INSRR: variants seen among roughly 807,000 people sequenced by gnomAD.
INSRR encodes the protein insulin receptor related receptor, also known as insulin receptor-related protein.
In INSRR, 114 loss-of-function variants were observed where a neutral mutation model predicts 130.0. The observed-to-expected ratio is 0.88, with a 90% CI of 0.75 to 1.02. The LOEUF (loss-of-function observed/expected upper bound fraction) is 1.02, where lower values mean the gene tolerates loss of function less well. INSRR is among the 50% of genes least tolerant of loss of function. The pLI, the probability that INSRR is intolerant of heterozygous loss-of-function variation, is 0.00. For synonymous variants in INSRR, 674 were observed against 705.2 expected (o/e 0.96, Z 0.70); for missense variants, 1,657 against 1,735.2 (o/e 0.95, Z 0.80).
In INSRR at chr1:156,845,383, CTTG is replaced by C; in HGVS notation, c.2202_2204del (p.Asn734del). 6.4e-7 allele frequency: 1 copy of C among 1,571,690 alleles called. No individual in the cohort carries two copies. The highest frequency in any genetic ancestry group is 8.6e-7 in the Non-Finnish European group (1 of 1,157,280). ...CTAGTCCTGCTCACCTTTGGGGGCT[CTTG>C]TTGATGGACGTCACCTTCCAAGGGG... On this transcript the variant is annotated inframe_deletion, in exon 11 of 22. Transcript: ENST00000368195.
At chr1:156,850,900 C>A (rs114554164) in intron 5 of INSRR, among the ~76,000 whole-genome samples, 1 of 152,154 alleles carries the variant, frequency 6.6e-6, no homozygotes, top group African/African-American at 2.4e-5. Flanking sequence ...TATAGGTAGG[C>A]CTTGACTGGC....
rs778004858 is a variant in INSRR at position 156,854,018 on chromosome 1, C to A, written c.371G>T (p.Arg124Leu). 1 of 1,613,946 alleles carries A rather than the reference C, an allele frequency of 6.2e-7. No individual in the cohort carries two copies. Among genetic ancestry groups the A allele is most frequent in the Admixed American group, 1.7e-5 (1 of 60,024 alleles). The change falls in exon 2 of 22, where the codon CGT becomes CTT. Residue 124 changes from arginine (R) to leucine (L), a missense_variant. Coordinates refer to ENST00000368195, the MANE Select transcript of INSRR (RefSeq NM_014215.3). The surrounding 1 kb of genome is among the most constrained non-coding windows in gnomAD (Gnocchi z 4.2). The part of the protein sequence containing the change: ...ALVIFEMPHL[R>L]DVALPALGAV... ...CCCAAGTGCAGGCAGTGCCACGTCA[C>A]GCAGATGTGGCATCTCAAAGATGAC...
chr1:156,854,848 T>C lies in INSRR; in HGVS notation c.86-545A>G, dbSNP rs1056996788. Among the ~76,000 whole-genome samples the C allele has an allele frequency of 3.9e-5, 6 of 152,118 alleles. No homozygotes were observed. The highest frequency in any genetic ancestry group is 8.8e-5 in the Non-Finnish European group (6 of 68,016). ...AGCCAGAGTGATCTCAAAACACAGATGGATCACGTTTCTCCTCTGCTTATA... is the reference window on the plus strand; with the variant it reads ...AGCCAGAGTGATCTCAAAACACAGACGGATCACGTTTCTCCTCTGCTTATA... On this transcript the variant is annotated intron_variant, in intron 1 of 21. Coordinates refer to ENST00000368195, the MANE Select transcript of INSRR (RefSeq NM_014215.3). The surrounding 1 kb of genome is among the most constrained non-coding windows in gnomAD (Gnocchi z 4.2).
intron 1 of INSRR, among the ~76,000 whole-genome samples, chr1:156,856,256 A>G (rs1205921928): frequency 1.3e-5 from 2 of 152,202 alleles, no homozygotes; most frequent in Non-Finnish European, 2.9e-5. Context: ...GGCTATACCA[A>G]TAGCTCCTGG....
chr1:156,855,967 G>T lies in INSRR; in HGVS notation c.86-1664C>A, dbSNP rs12023511. ...TATGTGTATAATATTTTGAGACATGGTCTCACTCTGTTGCCCAGGCTAGAG... is the reference window on the plus strand; with the variant it reads ...TATGTGTATAATATTTTGAGACATGTTCTCACTCTGTTGCCCAGGCTAGAG... On this transcript the variant is annotated intron_variant, in intron 1 of 21. Transcript: ENST00000368195. Among the ~76,000 whole-genome samples, 88 of 151,928 alleles carry T rather than the reference G, an allele frequency of 5.8e-4. No individual in the cohort carries two copies. In the South Asian group the frequency reaches 9.4e-3, roughly 16 times the overall value.
intron 1 of INSRR, among the ~76,000 whole-genome samples, chr1:156,858,114 A>G (rs1655474600): frequency 6.6e-6 from 1 of 152,160 alleles, no homozygotes; most frequent in African/African-American, 2.4e-5. Context: ...CTTAGTTCTC[A>G]GAGCTGCAGT....
intron 10 of INSRR, 59 bp downstream of exon 10, chr1:156,845,560 A>AACC: frequency 1.5e-6 from 2 of 1,348,674 alleles, no homozygotes; most frequent in South Asian, 1.4e-5. Flanking sequence ...CTCCCGCAAG[A>AACC]CCCGCCCCTC....
At position 156,845,399 on chromosome 1, in the gene INSRR, ACCTT is replaced by A; in HGVS notation, c.2185_2188del (p.Lys729Ter). On this transcript the variant is annotated frameshift_variant, in exon 11 of 22. Coordinates refer to ENST00000368195, the MANE Select transcript of INSRR (RefSeq NM_014215.3). LOFTEE classifies it high-confidence loss of function. ...TTGGGGGCTCTTGTTGATGGACGTC[ACCTT>A]CCAAGGGGATCTGGGGAGGCCAGGA... 6.4e-7 allele frequency: 1 copy of A among 1,562,818 alleles called. No homozygotes were observed. The highest frequency in any genetic ancestry group is 8.7e-7 in the Non-Finnish European group (1 of 1,152,412).
At chr1:156,846,347 C>T (rs548457882) in intron 8 of INSRR, among the ~76,000 whole-genome samples, 172 bp downstream of exon 8, 25 of 152,292 alleles carry the variant, frequency 1.6e-4, no homozygotes, top group African/African-American at 5.1e-4. Context: ...ATCCCAGCCC[C>T]GCAAGGACCT....
intron 9 of INSRR, 63 bp downstream of exon 9, chr1:156,845,889 C>A: frequency 6.3e-7 from 1 of 1,598,336 alleles, no homozygotes; most frequent in Admixed American, 1.7e-5. Flanking sequence ...TGCCGGGGCC[C>A]TGCGCCTCCA....
Position 156,858,927 on chromosome 1 carries a change from C to A in INSRR, c.-306G>T. On this transcript the variant is annotated 5_prime_UTR_variant, in exon 1 of 22. Coordinates refer to ENST00000368195, the MANE Select transcript of INSRR (RefSeq NM_014215.3). ...GGGCCTCCAGAGGGAGAAAATGACA[C>A]AGGGTTCTGAGCAAAAGGCAGGCCG... is the stretch of plus-strand genomic sequence containing the variant. 1 of 399,580 alleles carries A rather than the reference C, an allele frequency of 2.5e-6. No individual in the cohort carries two copies. 24.8% of individuals were successfully genotyped at this position (399,580 alleles called of 1,614,324 possible). A position where few individuals can be genotyped will look rare whatever the true frequency, so the allele number is the denominator to read the frequency against.
intron 2 of INSRR, 26 bp downstream of exon 2, chr1:156,853,726 C>A: frequency 1.0e-5 from 16 of 1,573,280 alleles, no homozygotes; most frequent in Non-Finnish European, 1.3e-5. Flanking sequence ...CCCTTCCCTA[C>A]ATTCATGTTC....
intron 10 of INSRR, 97 bp downstream of exon 10, chr1:156,845,522 A>G: frequency 1.4e-6 from 2 of 1,473,432 alleles, no homozygotes; most frequent in Non-Finnish European, 1.8e-6. Flanking sequence ...CGCCCACACA[A>G]GCAAGGCCCC....
Position 156,859,089 on chromosome 1 carries a change from A to C in INSRR, c.-468T>G, listed in dbSNP as rs1655515370. The C allele has an allele frequency of 6.3e-6, 1 of 158,296 alleles. No homozygotes were observed. Among genetic ancestry groups the C allele is most frequent in the Admixed American group, 6.0e-5 (1 of 16,582 alleles). The allele number at this position is 158,296 out of a possible 1,614,324, so 9.8% of individuals were successfully genotyped here. On this transcript the variant is annotated 5_prime_UTR_variant, in exon 1 of 22. Transcript: ENST00000368195. This position sits in a 1 kb window ranked among gnomAD's most constrained non-coding sequence, Gnocchi z 6.2. ...TCCGGGCGCGCGGCCCCCCAGCGCC[A>C]GCTGACAGTGCTGGCTGCGGTCCTT...
Position 156,840,844 on chromosome 1 carries a change from G to T in INSRR, c.*29C>A. On this transcript the variant is annotated 3_prime_UTR_variant, in exon 22 of 22. Transcript: ENST00000368195. ...GTCGGGTCCCTTCCTGTCTCCCCAT[G>T]GGAGGCCAGCCAGGGAATGAGGTGC... The T allele has an allele frequency of 6.4e-7, 1 of 1,557,446 alleles. No homozygotes were observed. The highest frequency in any genetic ancestry group is 2.3e-5 in the East Asian group (1 of 44,348).
Position 156,840,809 on chromosome 1 carries a change from A to G in INSRR, c.*64T>C, listed in dbSNP as rs1025528165. 7.8e-7 allele frequency: 1 copy of G among 1,279,978 alleles called. No homozygotes were observed. Among genetic ancestry groups the G allele is most frequent in the Non-Finnish European group, 1.1e-6 (1 of 894,822 alleles). 79.3% of individuals were successfully genotyped at this position (1,279,978 alleles called of 1,614,324 possible). ...GTGGGGGTGAACATTCAGGCGTCTC[A>G]GCCACAGAGGTCGGGTCCCTTCCTG... On this transcript the variant is annotated 3_prime_UTR_variant, in exon 22 of 22. Coordinates refer to ENST00000368195, the MANE Select transcript of INSRR (RefSeq NM_014215.3).
Position 156,851,723 on chromosome 1 carries a change from T to C in INSRR, c.1007A>G (p.Asp336Gly). The C allele has an allele frequency of 1.2e-6, 2 of 1,613,870 alleles. No homozygotes were observed. The highest frequency in any genetic ancestry group is 1.7e-5 in the Admixed American group (1 of 60,004). The change falls in exon 4 of 22, where the codon GAC (aspartate) becomes GGC (glycine). Residue 336 changes from aspartate (D) to glycine (G), a missense_variant. Transcript: ENST00000368195. Reference sequence around the variant, plus strand: ...AAGATCCTGTGCCGCCTGGATGGAGTCGATGGTCTTGGTGCCTACCTTGCA... The same window carrying C: ...AAGATCCTGTGCCGCCTGGATGGAGCCGATGGTCTTGGTGCCTACCTTGCA... ...KECKVGTKTI[D>G]SIQAAQDLVG...
At chr1:156,856,960 G>A (rs778351835) in intron 1 of INSRR, among the ~76,000 whole-genome samples, 3 of 152,030 alleles carry the variant, frequency 2.0e-5, no homozygotes, top group East Asian at 1.9e-4. Flanking sequence ...TCCTGCTAAC[G>A]TCTCCAGCCT....
In INSRR at chr1:156,854,164, G is replaced by C. The variant is rs1179810474; in HGVS notation, c.225C>G (p.Arg75=). 2.5e-6 allele frequency: 4 copies of C among 1,614,024 alleles called. No individual in the cohort carries two copies. The African/African-American group carries it at 5.3e-5, about 22-fold the overall frequency. The change falls in exon 2 of 22, where the codon CGC becomes CGG. Residue 75 remains arginine, a synonymous_variant. Coordinates refer to ENST00000368195, the MANE Select transcript of INSRR (RefSeq NM_014215.3). This position sits in a 1 kb window ranked among gnomAD's most constrained non-coding sequence, Gnocchi z 4.2. ...GEDFRGLSFP[R]LTQVTDYLLL... is the part of the protein sequence containing the mutation. Reference sequence around the variant, plus strand: ...GCAGGTAGTCGGTGACCTGGGTGAGGCGAGGGAAGCTGAGGCCGCGGAAGT... The same window carrying C: ...GCAGGTAGTCGGTGACCTGGGTGAGCCGAGGGAAGCTGAGGCCGCGGAAGT...
Sources: allele counts gnomAD v4.1 joint callset (sites outside exome capture counted in the v4.1 genomes callset), GRCh38; gene constraint gnomAD v4.1.1; non-coding constraint Gnocchi (gnomAD v3.1); transcripts MANE v1.5; gene names NCBI Gene and HGNC (gene_info 2026-07-23, HGNC 2026-07-21).